Variants in SANBR observed in about 807,000 individuals in gnomAD.
SANBR encodes the protein SANT and BTB domain regulator of CSR, also known as SANT and BTB domain regulator of class switch recombination.
In SANBR, 77 loss-of-function variants were observed where a neutral mutation model predicts 101.8. The observed-to-expected ratio is 0.76, with a 90% confidence interval of 0.63 to 0.91. The LOEUF is 0.91. Among genes scored for constraint, SANBR ranks in the 40% least tolerant of loss-of-function variants. The pLI is 0.00. For missense variants in SANBR, 875 were observed against 853.0 expected (o/e 1.03, Z -0.32); for synonymous variants, 279 against 274.7 (o/e 1.02, Z -0.15).
chr2:61,114,126 C>T (rs1406480801), intron 16 of SANBR, among the ~76,000 whole-genome samples: 1 of 152,110 alleles, frequency 6.6e-6, no homozygotes, highest in Non-Finnish European at 1.5e-5. Flanking sequence ...GAGTCTGATC[C>T]ACAGATCCTG....
chr2:61,106,559 C>T lies in SANBR; in HGVS notation c.1512-4C>T. ...TCTCCGTAAAAATGTCTTTTTCTTTCAAGTGATGTTGGGGTTGGCCTCTGT... is the reference window on the plus strand; with the variant it reads ...TCTCCGTAAAAATGTCTTTTTCTTTTAAGTGATGTTGGGGTTGGCCTCTGT... On this transcript the variant is annotated splice_region_variant and splice_polypyrimidine_tract_variant and intron_variant, in intron 13 of 21. Transcript: ENST00000402291. 1 of 1,568,246 alleles carries T rather than the reference C, an allele frequency of 6.4e-7. No individual in the cohort carries two copies. Among genetic ancestry groups the T allele is most frequent in the Non-Finnish European group, 8.7e-7 (1 of 1,154,968 alleles).
chr2:61,070,509 C>G lies in SANBR; in HGVS notation c.150+9C>G, dbSNP rs761089572. ...GATTAACACCAAAAGAGGTAAATAACAGTCCCCCCAGAATATCTCCTGAAA... is the reference window on the plus strand; with the variant it reads ...GATTAACACCAAAAGAGGTAAATAAGAGTCCCCCCAGAATATCTCCTGAAA... On this transcript the variant is annotated intron_variant, in intron 3 of 21. Coordinates refer to ENST00000402291, the MANE Select transcript of SANBR (RefSeq NM_001129993.3). The G allele has an allele frequency of 6.2e-7, 1 of 1,602,168 alleles. No individual in the cohort carries two copies. Among genetic ancestry groups the G allele is most frequent in the Non-Finnish European group, 8.5e-7 (1 of 1,175,550 alleles).
chr2:61,136,551 C>G (rs1225885768), intron 21 of SANBR, among the ~76,000 whole-genome samples: 1 of 151,814 alleles, frequency 6.6e-6, no homozygotes, highest in Non-Finnish European at 1.5e-5. Context: ...ATCACTTGAA[C>G]CCGGGAGGCA....
chr2:61,074,896 G>A (rs1038536939), intron 5 of SANBR: 18 of 151,468 alleles, frequency 1.2e-4, no homozygotes, highest in African/African-American at 4.4e-4. Flanking sequence ...GTGAAAATTT[G>A]TTTAAATTCT....
chr2:61,103,121 A>AACATAATT (rs946349433), intron 12 of SANBR, among the ~76,000 whole-genome samples: 2 of 151,624 alleles, frequency 1.3e-5, no homozygotes, highest in Admixed American at 1.3e-4. Flanking sequence ...GAATCATAAA[A>AACATAATT]ACATAATTTT....
At chr2:61,071,316 C>T (rs1270928419) in intron 3 of SANBR, among the ~76,000 whole-genome samples, 8 of 151,758 alleles carry the variant, frequency 5.3e-5, no homozygotes, top group African/African-American at 1.7e-4. Flanking sequence ...TTTGGGAAGC[C>T]GAGGCAGGCA....
At chr2:61,075,380 C>T (rs1681711743) in intron 5 of SANBR, among the ~76,000 whole-genome samples, 1 of 152,110 alleles carries the variant, frequency 6.6e-6, no homozygotes, top group Non-Finnish European at 1.5e-5. Flanking sequence ...ACTTGAGCCT[C>T]CTGAGTAGCT....
chr2:61,108,470 TC>T (rs1259936613), intron 15 of SANBR, 121 bp downstream of exon 15: 2 of 589,168 alleles, frequency 3.4e-6, no homozygotes, highest in Non-Finnish European at 5.8e-6. Context: ...ATCTTCCTTT[TC>T]AGATTCTCCT....
chr2:61,075,094 G>C (rs1254616581), intron 5 of SANBR: 3 of 150,904 alleles, frequency 2.0e-5, no homozygotes, highest in African/African-American at 7.3e-5. Context: ...CACCGTGCCT[G>C]GACCTCCAAT....
chr2:61,108,916 T>G lies in SANBR; in HGVS notation c.1645-281T>G, dbSNP rs556851991. On this transcript the variant is annotated intron_variant, in intron 15 of 21. Coordinates refer to ENST00000402291, the MANE Select transcript of SANBR (RefSeq NM_001129993.3). Reference sequence around the variant, plus strand: ...AATCTTAATATCAAGGAATATACATTTACTTGAGTGATAGAGGTACAATTC... The same window carrying G: ...AATCTTAATATCAAGGAATATACATGTACTTGAGTGATAGAGGTACAATTC... 1.7e-3 allele frequency among the ~76,000 whole-genome samples: 261 copies of G among 152,292 alleles called. 1 individual carries two copies. Among genetic ancestry groups the G allele is most frequent in the African/African-American group, 5.9e-3 (244 of 41,564 alleles).
At chr2:61,081,356 A>T in intron 6 of SANBR, 96 bp from the exon 7 acceptor site, 2 of 1,182,088 alleles carry the variant, frequency 1.7e-6, no homozygotes, top group Non-Finnish European at 2.3e-6. Context: ...AATTATTCTT[A>T]TTCCAGTAAT....
rs749452738 is a variant in SANBR, at chr2:61,070,484, G to A, written c.134G>A (p.Gly45Glu). 8.7e-6 allele frequency: 14 copies of A among 1,605,762 alleles called. No individual in the cohort carries two copies. Among genetic ancestry groups the A allele is most frequent in the Non-Finnish European group, 1.2e-5 (14 of 1,177,094 alleles). ...NWETIARLVPGLTPKECAKRF... is the reference protein window; with the variant it reads ...NWETIARLVPELTPKECAKRF... ...GAAACTATAGCAAGGCTCGTGCCTGGATTAACACCAAAAGAGGTAAATAAC... is the reference window on the plus strand; with the variant it reads ...GAAACTATAGCAAGGCTCGTGCCTGAATTAACACCAAAAGAGGTAAATAAC... The change falls in exon 3 of 22, where the codon GGA (glycine) becomes GAA (glutamate). Residue 45 changes from glycine (G) to glutamate (E), a missense_variant. Physicochemically the swap from Gly to Glu is moderately conservative, Grantham distance 98. Transcript: ENST00000402291.
chr2:61,117,886 CA>C, intron 19 of SANBR, 141 bp from the exon 20 acceptor site: 2 of 672,550 alleles, frequency 3.0e-6, no homozygotes, highest in Non-Finnish European at 5.1e-6. Flanking sequence ...TTAAATTCTT[CA>C]CAGATATATA....
intron 5 of SANBR, among the ~76,000 whole-genome samples, chr2:61,076,237 C>G (rs1420379695): frequency 6.6e-6 from 1 of 151,016 alleles, no homozygotes; most frequent in South Asian, 2.1e-4. Flanking sequence ...TCGTGATCCA[C>G]CCGCCTCAGC....
chr2:61,134,708 T>C (rs1313942139), intron 21 of SANBR, among the ~76,000 whole-genome samples: 1 of 152,020 alleles, frequency 6.6e-6, no homozygotes, highest in African/African-American at 2.4e-5. Flanking sequence ...CTGGCCAACA[T>C]GGTGAAACCC....
At chr2:61,116,901 AC>A (rs1415697637) in intron 17 of SANBR, among the ~76,000 whole-genome samples, 9 of 152,096 alleles carry the variant, frequency 5.9e-5, no homozygotes, top group Non-Finnish European at 1.2e-4. Flanking sequence ...AAAAAAAAAT[AC>A]AAAAATTAGC....
Position 61,122,523 on chromosome 2 carries a change from A to C in SANBR, c.*361A>C, listed in dbSNP as rs1684375145. ...AGACCTTAAAAGTTAGGGGAACACA[A>C]CTGGTAGTGTTACCATGCATGGCAC... On this transcript the variant is annotated 3_prime_UTR_variant, in exon 22 of 22. Coordinates refer to ENST00000402291, the MANE Select transcript of SANBR (RefSeq NM_001129993.3). 32 of 1,012,804 alleles carry C rather than the reference A, an allele frequency of 3.2e-5. No individual in the cohort carries two copies. The highest frequency in any genetic ancestry group is 3.7e-5 in the Non-Finnish European group (31 of 847,890). The allele number at this position is 1,012,804 out of a possible 1,614,324, so 62.7% of individuals were successfully genotyped here.
chr2:61,127,246 G>T (rs577196586), downstream of SANBR, among the ~76,000 whole-genome samples: 1 of 152,220 alleles, frequency 6.6e-6, no homozygotes, highest in African/African-American at 2.4e-5. Context: ...ATTTTTGGGT[G>T]GTATCTCCAA....
At chr2:61,111,962 A>G (rs548494790) in intron 16 of SANBR, among the ~76,000 whole-genome samples, 2 of 152,294 alleles carry the variant, frequency 1.3e-5, no homozygotes, top group South Asian at 4.1e-4. Context: ...TCATGGGCAT[A>G]TGGGTGCTTT....
Sources: gnomAD v4.1 joint callset for allele counts (sites outside exome capture counted in the v4.1 genomes callset) on GRCh38, gnomAD v4.1.1 for gene constraint, MANE v1.5 for transcripts, NCBI Gene and HGNC (gene_info 2026-07-23, HGNC 2026-07-21) for gene names.